Variants in TTC34 observed in about 807,000 individuals in gnomAD.
TTC34 encodes tetratricopeptide repeat protein 34.
A neutral mutation model predicts 40.7 loss-of-function variants in TTC34; 44 were observed. The observed-to-expected ratio is 1.08, with a 90% confidence interval of 0.85 to 1.39. The LOEUF (loss-of-function observed/expected upper bound fraction) is 1.39. Among genes scored for constraint, TTC34 ranks in the 40% most tolerant of loss-of-function variants. The probability of loss-of-function intolerance (pLI) is 0.00; values close to 1 mark genes in which losing one functional copy is unlikely to be tolerated. For missense variants in TTC34, 884 were observed against 838.0 expected, an observed-to-expected ratio of 1.05 and a Z score of -0.68; for synonymous variants, 422 against 398.6, an observed-to-expected ratio of 1.06 and a Z score of -0.70.
At chr1:2,681,638 C>T (rs79671165) in intron 6 of TTC34, among the ~76,000 whole-genome samples, 116 of 53,986 alleles carry the variant, frequency 2.1e-3, no homozygotes, top group African/African-American at 7.1e-3. Context: ...CCAGCGAGCA[C>T]CTGACAGCCT....
exon 9 of TTC34, chr1:2,641,766 C>T: frequency 6.5e-7 from 1 of 1,535,284 alleles, no homozygotes; most frequent in East Asian, 2.4e-5. Flanking sequence ...TGCAACTCGG[C>T]CAGGCAGGTG....
intron 6 of TTC34, among the ~76,000 whole-genome samples, chr1:2,695,116 CAAGATGAGCATCTGA>C (rs1640802408): frequency 1.1e-5 from 1 of 91,048 alleles, no homozygotes; most frequent in Non-Finnish European, 2.5e-5. Flanking sequence ...ACCCATACGC[CAAGATGAGCATCTGA>C]CAGCGTGGAA....
intron 6 of TTC34, chr1:2,776,056 T>G (rs1473423661): frequency 7.3e-6 from 1 of 136,594 alleles, no homozygotes; most frequent in Non-Finnish European, 1.5e-5. Context: ...CAGGTGAGCA[T>G]CTGACAGCCT....
At chr1:2,780,070 C>T (rs995055662) in intron 6 of TTC34, among the ~76,000 whole-genome samples, 4 of 152,118 alleles carry the variant, frequency 2.6e-5, no homozygotes, top group African/African-American at 4.8e-5. Context: ...GCTGAGATCC[C>T]GCCACTGCAC....
intron 6 of TTC34, among the ~76,000 whole-genome samples, chr1:2,653,991 T>A (rs1311806165): frequency 1.6e-4 from 3 of 18,272 alleles, no homozygotes; most frequent in Admixed American, 7.7e-4. Context: ...CATCGGAGAG[T>A]CTGGAGCAGT....
At chr1:2,782,308 CTT>C (rs1282120446) in intron 6 of TTC34, among the ~76,000 whole-genome samples, 1 of 152,080 alleles carries the variant, frequency 6.6e-6, no homozygotes, top group Non-Finnish European at 1.5e-5. Context: ...CTATTACTAT[CTT>C]ATAATTATTT....
intron 6 of TTC34, among the ~76,000 whole-genome samples, chr1:2,686,523 C>G (rs371084209): frequency 5.0e-5 from 7 of 139,558 alleles, no homozygotes; most frequent in Admixed American, 4.2e-4. Context: ...ACCCTGCACC[C>G]CCAGGGGAGC....
exon 5 of TTC34, chr1:2,785,864 T>C (rs1643579835): frequency 6.5e-7 from 1 of 1,544,396 alleles, no homozygotes; most frequent in South Asian, 1.2e-5. Flanking sequence ...GCCTCCTTGG[T>C]GTGAACCCTG....
At chr1:2,697,492 G>C (rs1449485305) in intron 6 of TTC34, among the ~76,000 whole-genome samples, 1 of 152,206 alleles carries the variant, frequency 6.6e-6, no homozygotes, top group Admixed American at 6.5e-5. Context: ...GCACCCCCAG[G>C]TGCGCACATG....
intron 5 of TTC34, among the ~76,000 whole-genome samples, chr1:2,785,436 C>T (rs144661411): frequency 3.3e-5 from 5 of 152,174 alleles, no homozygotes; most frequent in Non-Finnish European, 5.9e-5. Context: ...GGAGGCCAGG[C>T]GTGCATAGGA....
chr1:2,699,669 T>TCA (rs1491300821), intron 6 of TTC34, among the ~76,000 whole-genome samples: 1 of 56,018 alleles, frequency 1.8e-5, no homozygotes. Flanking sequence ...GGTGAGCATC[T>TCA]GACAGCCTGG....
Position 2,698,500 on chromosome 1 carries a change from T to C in TTC34, c.2227-52937A>G, listed in dbSNP as rs1282791720. 2.6e-3 allele frequency among the ~76,000 whole-genome samples: 111 copies of C among 42,694 alleles called. 1 individual carries two copies. Among genetic ancestry groups the C allele is most frequent in the Non-Finnish European group, 4.1e-3 (72 of 17,564 alleles). The allele number at this position is 42,694 out of a possible 152,430, so 28.0% of individuals were successfully genotyped here. A position where few individuals can be genotyped will look rare whatever the true frequency, so the allele number is the denominator to read the frequency against. On this transcript the variant is annotated intron_variant, in intron 6 of 8. Transcript: ENST00000401095. ...CAGCACCCACACTCCCAGGCGAGCA[T>C]CTGACAGCCTGAAGCAGCACCCCAC...
At chr1:2,755,988 C>T in intron 6 of TTC34, among the ~76,000 whole-genome samples, 1 of 82,920 alleles carries the variant, frequency 1.2e-5, no homozygotes, top group Non-Finnish European at 2.1e-5. Context: ...CCCTGCAACC[C>T]AGGTGAGCAT....
chr1:2,641,751 A>C, exon 9 of TTC34: 1 of 1,535,208 alleles, frequency 6.5e-7, no homozygotes, highest in Non-Finnish European at 8.7e-7. Context: ...GCCCGGCCAA[A>C]CTCCTGCAAC....
intron 3 of TTC34, among the ~76,000 whole-genome samples, chr1:2,788,725 C>T (rs571467477): frequency 6.6e-6 from 1 of 152,256 alleles, no homozygotes; most frequent in Admixed American, 6.5e-5. Flanking sequence ...GCTTCCTGAC[C>T]CGGGAACTGC....
intron 6 of TTC34, among the ~76,000 whole-genome samples, chr1:2,673,299 T>C (rs1268853349): frequency 1.6e-3 from 121 of 77,042 alleles, no homozygotes; most frequent in Middle Eastern, 0.015. Context: ...TTTGACAGCC[T>C]GGAACAGCAC....
chr1:2,759,963 A>ACAGGTGAGCATCGGAGAGTCAGACCC (rs1641641491), intron 6 of TTC34, among the ~76,000 whole-genome samples: 1 of 36,644 alleles, frequency 2.7e-5, no homozygotes, highest in African/African-American at 1.8e-4. Context: ...CACCCACACC[A>ACAGGTGAGCATCGGAGAGTCAGACCC]CCAGGTGAGC....
At chr1:2,684,474 C>G (rs1342933187) in intron 6 of TTC34, among the ~76,000 whole-genome samples, 2 of 149,480 alleles carry the variant, frequency 1.3e-5, no homozygotes, top group African/African-American at 2.5e-5. Flanking sequence ...ACAGCACCCA[C>G]ACACCCAGGC....
At chr1:2,643,024 G>A (rs59167090) in intron 8 of TTC34, among the ~76,000 whole-genome samples, 2,645 of 152,310 alleles carry the variant, frequency 0.017, 84 homozygotes, top group African/African-American at 0.056. Flanking sequence ...CACGGCCCGG[G>A]GTGGTAGTGA....
Sources: allele counts gnomAD v4.1 joint callset (sites outside exome capture counted in the v4.1 genomes callset), GRCh38; gene constraint gnomAD v4.1.1; transcripts MANE v1.5; gene names NCBI Gene and HGNC (gene_info 2026-07-23, HGNC 2026-07-21).